The following DMGDH variants were observed in gnomAD, a reference collection of about 807,000 sequenced individuals.
DMGDH encodes the protein dimethylglycine dehydrogenase, mitochondrial.
Under a neutral mutation model 95.2 loss-of-function variants are expected in DMGDH, and 76 were observed. That is an observed-to-expected ratio of 0.80 (90% CI 0.66 to 0.97). The LOEUF is 0.97. DMGDH is among the 50% of genes least tolerant of loss of function. The pLI, the probability that DMGDH is intolerant of heterozygous loss-of-function variation, is 0.00. For missense variants in DMGDH, 987 were observed against 1,055.0 expected, an observed-to-expected ratio of 0.94 and a Z score of 0.89; for synonymous variants, 345 against 377.6, an observed-to-expected ratio of 0.91 and a Z score of 1.00.
intron 14 of DMGDH, among the ~76,000 whole-genome samples, chr5:79,019,282 C>T (rs932346938): frequency 2.0e-5 from 3 of 152,130 alleles, no homozygotes; most frequent in African/African-American, 7.2e-5. Context: ...AGAATACGAA[C>T]CTGTAGCCTA....
intron 5 of DMGDH, 61 bp downstream of exon 5, chr5:79,051,226 C>T (rs1009826230): frequency 1.9e-5 from 29 of 1,536,822 alleles, no homozygotes; most frequent in Non-Finnish European, 2.6e-5. Context: ...AACATTACGG[C>T]TAAATATCTT....
At chr5:79,068,380 T>G (rs1318161092) in intron 1 of DMGDH, among the ~76,000 whole-genome samples, 2 of 152,218 alleles carry the variant, frequency 1.3e-5, no homozygotes, top group Non-Finnish European at 2.9e-5. Flanking sequence ...TGCATTCTCT[T>G]ATTTAATATT....
intron 15 of DMGDH, among the ~76,000 whole-genome samples, chr5:79,002,174 T>C (rs1373034488): frequency 1.3e-5 from 2 of 152,226 alleles, no homozygotes; most frequent in African/African-American, 4.8e-5. Context: ...GTTAACATAA[T>C]TTAAGTTTGA....
chr5:79,061,257 A>T (rs1458506934), intron 2 of DMGDH, among the ~76,000 whole-genome samples: 2 of 145,376 alleles, frequency 1.4e-5, no homozygotes, highest in African/African-American at 5.6e-5. Flanking sequence ...ACACACACAC[A>T]CACACACACA....
In DMGDH at chr5:79,054,335, T is replaced by G; in HGVS notation, c.389A>C (p.His130Pro). The G allele has an allele frequency of 6.2e-7, 1 of 1,614,128 alleles. No homozygotes were observed. Among genetic ancestry groups the G allele is most frequent in the Non-Finnish European group, 8.5e-7 (1 of 1,179,980 alleles). The change falls in exon 4 of 16, where the codon CAT (histidine) becomes CCT (proline). Residue 130 changes from histidine to proline, a missense_variant. Coordinates refer to ENST00000255189, the MANE Select transcript of DMGDH (RefSeq NM_013391.3). Reference sequence around the variant, plus strand: ...AGCAAGTCTGATACTACCTGGCTGATGGAATCCCACCACCTGTGACAATAA... The same window carrying G: ...AGCAAGTCTGATACTACCTGGCTGAGGGAATCCCACCACCTGTGACAATAA... ...EEETGQVVGF[H>P]QPGSIRLATT...
At chr5:79,039,276 C>T (rs971268499) in intron 7 of DMGDH, among the ~76,000 whole-genome samples, 4 of 152,098 alleles carry the variant, frequency 2.6e-5, no homozygotes, top group Admixed American at 1.3e-4. Flanking sequence ...TATTGTGGCA[C>T]TATTCACAAT....
At chr5:79,067,047 T>C (rs762847529) in intron 1 of DMGDH, among the ~76,000 whole-genome samples, 1 of 152,232 alleles carries the variant, frequency 6.6e-6, no homozygotes, top group African/African-American at 2.4e-5. Context: ...TTTATGGATA[T>C]TTATTGTTTT....
At chr5:79,067,599 C>T (rs747522570) in intron 1 of DMGDH, among the ~76,000 whole-genome samples, 38 of 152,150 alleles carry the variant, frequency 2.5e-4, no homozygotes, top group Admixed American at 2.6e-4. Flanking sequence ...TTCTGTTTGG[C>T]AACATATGAT....
At chr5:79,015,618 C>T (rs1007555018) in intron 14 of DMGDH, among the ~76,000 whole-genome samples, 1 of 152,170 alleles carries the variant, frequency 6.6e-6, no homozygotes, top group South Asian at 2.1e-4. Context: ...AAATAATAAA[C>T]AAAACATATG....
At chr5:79,056,523 A>T (rs1755034754) in intron 2 of DMGDH, among the ~76,000 whole-genome samples, 1 of 151,574 alleles carries the variant, frequency 6.6e-6, no homozygotes, top group Non-Finnish European at 1.5e-5. Flanking sequence ...AGCCTGGGCA[A>T]AAGAGCAAAA....
chr5:79,043,229 C>T (rs182869747), intron 6 of DMGDH, among the ~76,000 whole-genome samples: 6 of 152,298 alleles, frequency 3.9e-5, no homozygotes, highest in Non-Finnish European at 8.8e-5. Context: ...CTAGCACACA[C>T]GGGTACCCAT....
At chr5:79,041,602 T>C (rs1754508845) in intron 7 of DMGDH, among the ~76,000 whole-genome samples, 1 of 152,244 alleles carries the variant, frequency 6.6e-6, no homozygotes, top group African/African-American at 2.4e-5. Flanking sequence ...CATCGTGTTA[T>C]GAAAACATCC....
At chr5:79,035,632 C>T (rs1754327146) in intron 7 of DMGDH, among the ~76,000 whole-genome samples, 3 of 143,612 alleles carry the variant, frequency 2.1e-5, no homozygotes, top group African/African-American at 7.5e-5. Flanking sequence ...GCCAGGGGTG[C>T]TTTGATTTCC....
intron 5 of DMGDH, among the ~76,000 whole-genome samples, chr5:79,049,926 CT>C (rs951264592): frequency 1.3e-5 from 2 of 152,068 alleles, no homozygotes; most frequent in Non-Finnish European, 2.9e-5. Context: ...GAAGACATGA[CT>C]TTTTCTCTAG....
chr5:79,009,001 A>G lies in DMGDH; in HGVS notation c.2251-3594T>C, dbSNP rs568164115. ...AAACCTGCACCTTTAGATTTTATCCATATTTTTTTAAATGCCTGTGCCTGG... is the reference window on the plus strand; with the variant it reads ...AAACCTGCACCTTTAGATTTTATCCGTATTTTTTTAAATGCCTGTGCCTGG... On this transcript the variant is annotated intron_variant, in intron 14 of 15. Transcript: ENST00000255189. Among the ~76,000 whole-genome samples the G allele has an allele frequency of 8.5e-5, 13 of 152,282 alleles. No individual in the cohort carries two copies. The South Asian group carries it at 2.7e-3, about 32-fold the overall frequency.
intron 1 of DMGDH, among the ~76,000 whole-genome samples, chr5:79,066,770 T>C (rs1755395513): frequency 6.6e-6 from 1 of 152,188 alleles, no homozygotes; most frequent in Non-Finnish European, 1.5e-5. Flanking sequence ...ATTGGTGTTG[T>C]TTCTGTCTGA....
intron 14 of DMGDH, among the ~76,000 whole-genome samples, chr5:79,012,176 T>C (rs1753658818): frequency 6.6e-6 from 1 of 152,154 alleles, no homozygotes; most frequent in African/African-American, 2.4e-5. Flanking sequence ...TGGGTAAACA[T>C]TCCCATTCCA....
At chr5:79,065,987 G>C (rs551310075) in intron 1 of DMGDH, among the ~76,000 whole-genome samples, 1 of 152,216 alleles carries the variant, frequency 6.6e-6, no homozygotes, top group South Asian at 2.1e-4. Context: ...AGAGTAAATT[G>C]TAGGTATCAT....
At chr5:79,000,354 C>A (rs1050850867) in intron 15 of DMGDH, 11 of 655,146 alleles carry the variant, frequency 1.7e-5, no homozygotes, top group African/African-American at 1.6e-4. Context: ...TCTGTTTATT[C>A]TCACAATATA....
Sources: allele counts gnomAD v4.1 joint callset (sites outside exome capture counted in the v4.1 genomes callset), GRCh38; gene constraint gnomAD v4.1.1; transcripts MANE v1.5; gene names NCBI Gene and HGNC (gene_info 2026-07-23, HGNC 2026-07-21).